TCF7L1: variants seen among roughly 807,000 people sequenced by gnomAD.
TCF7L1 encodes the protein transcription factor 7 like 1, also known as transcription factor 7-like 1.
Under a neutral mutation model 63.7 loss-of-function variants are expected in TCF7L1, and 18 were observed. The observed-to-expected ratio is 0.28, with a 90% CI of 0.20 to 0.42. TCF7L1 has a LOEUF of 0.42. TCF7L1 is among the 10% of genes least tolerant of loss of function. TCF7L1 has a pLI of 1.00. For synonymous variants in TCF7L1, 355 were observed against 340.9 expected (o/e 1.04, Z -0.46); for missense variants, 654 against 779.3 (o/e 0.84, Z 1.91).
intron 3 of TCF7L1, among the ~76,000 whole-genome samples, chr2:85,253,587 A>G (rs777051607): frequency 3.9e-5 from 6 of 152,224 alleles, no homozygotes; most frequent in Non-Finnish European, 5.9e-5. Context: ...CACCAGAGCA[A>G]CAACACAAGT....
At chr2:85,240,924 T>C (rs1680306157) in intron 3 of TCF7L1, among the ~76,000 whole-genome samples, 1 of 152,172 alleles carries the variant, frequency 6.6e-6, no homozygotes, top group Admixed American at 6.5e-5. Flanking sequence ...TCCTAAACTA[T>C]GGTAATAGTA....
chr2:85,221,913 A>T (rs374806551), intron 3 of TCF7L1, among the ~76,000 whole-genome samples: 3 of 148,716 alleles, frequency 2.0e-5, no homozygotes, highest in African/African-American at 7.8e-5. Flanking sequence ...TGAGGATATG[A>T]TTAGCAAAAT....
At chr2:85,153,799 CAA>C (rs1472697908) in intron 3 of TCF7L1, among the ~76,000 whole-genome samples, 3 of 152,220 alleles carry the variant, frequency 2.0e-5, no homozygotes, top group Admixed American at 2.0e-4. Context: ...TCTTTGCACA[CAA>C]AGTCTGCCTT....
chr2:85,201,941 A>T (rs894936025), intron 3 of TCF7L1, among the ~76,000 whole-genome samples: 3 of 33,956 alleles, frequency 8.8e-5, no homozygotes, highest in African/African-American at 4.4e-4. Flanking sequence ...TTGACTTTTT[A>T]TTTATTTATT....
chr2:85,246,482 A>G (rs542693227), intron 3 of TCF7L1, among the ~76,000 whole-genome samples: 1 of 152,284 alleles, frequency 6.6e-6, no homozygotes, highest in African/African-American at 2.4e-5. Context: ...ATCTCATTTC[A>G]TCCTCAAAAT....
At chr2:85,166,138 T>A (rs1255773373) in intron 3 of TCF7L1, among the ~76,000 whole-genome samples, 1 of 152,226 alleles carries the variant, frequency 6.6e-6, no homozygotes, top group Non-Finnish European at 1.5e-5. Flanking sequence ...AACATCTGCC[T>A]CCTGAGTCAC....
At chr2:85,174,690 A>G (rs989130737) in intron 3 of TCF7L1, among the ~76,000 whole-genome samples, 5 of 152,176 alleles carry the variant, frequency 3.3e-5, no homozygotes, top group African/African-American at 9.6e-5. Context: ...GAGCCTCCTC[A>G]TGGGATAGCA....
At chr2:85,187,647 C>T (rs1259227266) in intron 3 of TCF7L1, among the ~76,000 whole-genome samples, 1 of 152,154 alleles carries the variant, frequency 6.6e-6, no homozygotes, top group Non-Finnish European at 1.5e-5. Flanking sequence ...AGCAAGTGGG[C>T]AATTTGTGTT....
chr2:85,276,050 G>A (rs1394464637), intron 3 of TCF7L1, among the ~76,000 whole-genome samples: 1 of 152,174 alleles, frequency 6.6e-6, no homozygotes, highest in East Asian at 1.9e-4. Flanking sequence ...TAAGAAAGAA[G>A]GGATAAGAGT....
At chr2:85,163,799 T>G (rs1242825467) in intron 3 of TCF7L1, among the ~76,000 whole-genome samples, 2 of 152,134 alleles carry the variant, frequency 1.3e-5, no homozygotes, top group Non-Finnish European at 2.9e-5. Flanking sequence ...TCCCTGTGTA[T>G]TCAAACAGTC....
At chr2:85,282,315 G>A (rs1227615642) in intron 3 of TCF7L1, among the ~76,000 whole-genome samples, 3 of 152,122 alleles carry the variant, frequency 2.0e-5, no homozygotes, top group Admixed American at 6.5e-5. Flanking sequence ...AAACTTCCTG[G>A]GGCCACCACT....
intron 4 of TCF7L1, among the ~76,000 whole-genome samples, chr2:85,287,404 A>T (rs528326999): frequency 6.6e-6 from 1 of 152,196 alleles, no homozygotes; most frequent in East Asian, 1.9e-4. Context: ...ATAAAATCCC[A>T]TCAAGAGAGC....
rs867897379 is a variant in TCF7L1 at position 85,267,208 on chromosome 2, T to C, written c.442-16287T>C. Among the ~76,000 whole-genome samples the C allele has an allele frequency of 3.3e-5, 5 of 150,982 alleles. No homozygotes were observed. The South Asian group carries it at 8.4e-4, about 25-fold the overall frequency. Reference sequence around the variant, plus strand: ...TACAAAAATTAGCTGGGTGTGCACCTGTATTCCAGCTACTTGGGAGGCTGA... The same window carrying C: ...TACAAAAATTAGCTGGGTGTGCACCCGTATTCCAGCTACTTGGGAGGCTGA... On this transcript the variant is annotated intron_variant, in intron 3 of 11. Coordinates refer to ENST00000282111, the MANE Select transcript of TCF7L1 (RefSeq NM_031283.3).
At position 85,306,180 on chromosome 2, in the gene TCF7L1, T is replaced by C. The variant is rs1184986563; in HGVS notation, c.990-26T>C. On this transcript the variant is annotated intron_variant, in intron 8 of 11. Transcript: ENST00000282111. The surrounding 1 kb of genome is among the most constrained non-coding windows in gnomAD (Gnocchi z 4.3). The stretch of plus-strand genomic sequence containing the variant: ...ATGAGTTGTGTGACACCTGACATGC[T>C]AACCTACAACCACGTGCCTTCCCAG... The C allele has an allele frequency of 2.5e-6, 4 of 1,613,554 alleles. No homozygotes were observed. The highest frequency in any genetic ancestry group is 3.4e-6 in the Non-Finnish European group (4 of 1,179,780).
At chr2:85,225,527 C>T (rs911904633) in intron 3 of TCF7L1, among the ~76,000 whole-genome samples, 4 of 152,080 alleles carry the variant, frequency 2.6e-5, no homozygotes, top group African/African-American at 9.7e-5. Context: ...GTATTTTATT[C>T]TCTTTGTAGT....
intron 3 of TCF7L1, among the ~76,000 whole-genome samples, chr2:85,205,536 T>TC (rs1558633356): frequency 2.7e-4 from 39 of 146,408 alleles, no homozygotes; most frequent in African/African-American, 5.9e-4. Context: ...CAGCCCACAT[T>TC]GTTTTTTTTT....
Position 85,307,730 on chromosome 2 carries a change from G to T in TCF7L1, c.1333+13G>T, listed in dbSNP as rs1558663175. On this transcript the variant is annotated intron_variant, in intron 11 of 11. Coordinates refer to ENST00000282111, the MANE Select transcript of TCF7L1 (RefSeq NM_031283.3). Reference sequence around the variant, plus strand: ...CAGGAGGCAGAGGGTGCGTCTCGGGGCACTGGCCTCTTCTCCTGCTTTTCC... The same window carrying T: ...CAGGAGGCAGAGGGTGCGTCTCGGGTCACTGGCCTCTTCTCCTGCTTTTCC... 2 of 1,611,950 alleles carry T rather than the reference G, an allele frequency of 1.2e-6. No homozygotes were observed. Among genetic ancestry groups the T allele is most frequent in the Non-Finnish European group, 1.7e-6 (2 of 1,178,872 alleles).
chr2:85,281,627 C>G (rs1681422763), intron 3 of TCF7L1, among the ~76,000 whole-genome samples: 1 of 152,046 alleles, frequency 6.6e-6, no homozygotes, highest in African/African-American at 2.4e-5. Flanking sequence ...ACAGAGGTGA[C>G]ACCCCATTTG....
chr2:85,265,141 A>G (rs1180477894), intron 3 of TCF7L1, among the ~76,000 whole-genome samples: 1 of 152,156 alleles, frequency 6.6e-6, no homozygotes, highest in Admixed American at 6.5e-5. Flanking sequence ...GCTGTGAAAG[A>G]AGAGTGTAAA....
Sources: gnomAD v4.1 joint callset for allele counts (sites outside exome capture counted in the v4.1 genomes callset) on GRCh38, gnomAD v4.1.1 for gene constraint, Gnocchi (gnomAD v3.1) non-coding constraint, MANE v1.5 for transcripts, NCBI Gene and HGNC (gene_info 2026-07-23, HGNC 2026-07-21) for gene names.